SAMTOR: variants seen among roughly 807,000 people sequenced by gnomAD.
SAMTOR encodes S-adenosylmethionine sensor upstream of mTORC1, also known as UPF0532 protein C7orf60.
At chr7:112,910,105 A>G in the SAMTOR span, among the ~76,000 whole-genome samples, 1 of 152,020 alleles carries the variant, frequency 6.6e-6, no homozygotes, top group Non-Finnish European at 1.5e-5. Flanking sequence ...ACACAGAAGT[A>G]AACTTTGACT....
At chr7:112,902,403 C>A in the SAMTOR span, among the ~76,000 whole-genome samples, 2 of 54,114 alleles carry the variant, frequency 3.7e-5, no homozygotes, top group Non-Finnish European at 6.6e-5. Flanking sequence ...GCAACAAGAG[C>A]AAAACTCCGT....
the SAMTOR span, among the ~76,000 whole-genome samples, chr7:112,840,832 C>T: frequency 6.6e-6 from 1 of 151,956 alleles, no homozygotes; most frequent in Non-Finnish European, 1.5e-5. Context: ...TTAACAGAAC[C>T]ACATGATTAT....
chr7:112,917,710 G>A, the SAMTOR span, among the ~76,000 whole-genome samples: 2 of 152,114 alleles, frequency 1.3e-5, no homozygotes, highest in African/African-American at 4.8e-5. Context: ...AAAAAATTTA[G>A]ACAAATGTAT....
At chr7:112,850,128 G>A in the SAMTOR span, among the ~76,000 whole-genome samples, 1 of 152,152 alleles carries the variant, frequency 6.6e-6, no homozygotes, top group South Asian at 2.1e-4. Context: ...TTGGACCCGG[G>A]AGGCGGAGGT....
chr7:112,913,434 C>T, the SAMTOR span, among the ~76,000 whole-genome samples: 4 of 152,202 alleles, frequency 2.6e-5, no homozygotes, highest in Admixed American at 2.0e-4. Flanking sequence ...ACTATAATTT[C>T]GTGCCATGAT....
the SAMTOR span, among the ~76,000 whole-genome samples, chr7:112,914,676 G>T: frequency 2.0e-5 from 3 of 151,886 alleles, no homozygotes; most frequent in African/African-American, 7.3e-5. Context: ...ATTATCTAAA[G>T]AAATTTTTAT....
the SAMTOR span, among the ~76,000 whole-genome samples, chr7:112,885,169 G>C: frequency 5.2e-4 from 5 of 9,632 alleles, no homozygotes; most frequent in African/African-American, 0.034. Context: ...CACAGGGCAG[G>C]GGGGGCCCTG....
At chr7:112,939,831 A>G in the SAMTOR span, 1 of 1,142,320 alleles carries the variant, frequency 8.8e-7, no homozygotes, top group African/African-American at 1.5e-5. Context: ...AGGAGGAGGG[A>G]GCTGCGGAGG....
chr7:112,907,541 T>C, the SAMTOR span, among the ~76,000 whole-genome samples: 55 of 151,536 alleles, frequency 3.6e-4, no homozygotes, highest in African/African-American at 1.1e-3. Flanking sequence ...GCAAAAGATA[T>C]AGTCAAAGAC....
chr7:112,840,541 T>C, the SAMTOR span, among the ~76,000 whole-genome samples: 1 of 151,900 alleles, frequency 6.6e-6, no homozygotes, highest in Non-Finnish European at 1.5e-5. Context: ...CTTCTGTCTT[T>C]AACCATTTTA....
the SAMTOR span, among the ~76,000 whole-genome samples, chr7:112,867,314 G>T: frequency 6.6e-6 from 1 of 152,062 alleles, no homozygotes; most frequent in African/African-American, 2.4e-5. Context: ...AAATTCAATC[G>T]TGTACTCAAT....
chr7:112,939,760 G>A, the SAMTOR span: 4 of 1,572,120 alleles, frequency 2.5e-6, no homozygotes, highest in East Asian at 2.3e-5. Flanking sequence ...TATCGCAGCC[G>A]CCGCCGCCGC....
At chr7:112,858,734 C>A in the SAMTOR span, among the ~76,000 whole-genome samples, 1,618 of 152,214 alleles carry the variant, frequency 0.011, 30 homozygotes, top group African/African-American at 0.037. Context: ...GGTGTCCACT[C>A]CTATGTTCCT....
the SAMTOR span, among the ~76,000 whole-genome samples, chr7:112,903,256 G>A: frequency 6.6e-6 from 1 of 151,668 alleles, no homozygotes; most frequent in African/African-American, 2.4e-5. Context: ...AGGCTGCAGT[G>A]AGCCCAGATC....
the SAMTOR span, among the ~76,000 whole-genome samples, chr7:112,864,258 G>A: frequency 7.9e-5 from 12 of 152,180 alleles, no homozygotes; most frequent in African/African-American, 2.9e-4. Context: ...AAAATGGAGA[G>A]GATCAAGAAA....
the SAMTOR span, among the ~76,000 whole-genome samples, chr7:112,903,005 T>C: frequency 6.6e-6 from 1 of 152,264 alleles, no homozygotes; most frequent in South Asian, 2.1e-4. Context: ...ATCTATAAAA[T>C]GTTGACTTTT....
chr7:112,874,552 A>C, the SAMTOR span, among the ~76,000 whole-genome samples: 1 of 152,124 alleles, frequency 6.6e-6, no homozygotes, highest in African/African-American at 2.4e-5. Flanking sequence ...TCTATTCACT[A>C]TCTGAGTGAT....
chr7:112,876,334 CA>C, the SAMTOR span, among the ~76,000 whole-genome samples: 1 of 152,138 alleles, frequency 6.6e-6, no homozygotes, highest in Non-Finnish European at 1.5e-5. Context: ...TTTTCAACAA[CA>C]TGCAAGATAA....
chr7:112,923,420 T>A, the SAMTOR span, among the ~76,000 whole-genome samples: 1 of 151,958 alleles, frequency 6.6e-6, no homozygotes, highest in Non-Finnish European at 1.5e-5. Context: ...CCTCCACTAT[T>A]GTCCTATGAC....
Sources: gnomAD v4.1 joint callset for allele counts (sites outside exome capture counted in the v4.1 genomes callset) on GRCh38, gnomAD v4.1.1 for gene constraint, MANE v1.5 for transcripts, NCBI Gene and HGNC (gene_info 2026-07-23, HGNC 2026-07-21) for gene names.